The following SPAG16 variants were observed in gnomAD, a reference collection of about 807,000 sequenced individuals.
The protein encoded by SPAG16 is sperm-associated antigen 16 protein.
SPAG16 carries 86 observed loss-of-function variants against 80.4 expected under a neutral mutation model. The observed-to-expected ratio is 1.07, with a 90% CI of 0.90 to 1.28. The LOEUF is 1.28. SPAG16 is among the 50% of genes most tolerant of loss of function. The pLI is 0.00. For synonymous variants in SPAG16, 294 were observed against 265.9 expected, an observed-to-expected ratio of 1.11 and a Z score of -1.03; for missense variants, 870 against 765.3, an observed-to-expected ratio of 1.14 and a Z score of -1.61.
intron 15 of SPAG16, among the ~76,000 whole-genome samples, chr2:214,319,225 A>ACAC (rs1189650614): frequency 5.0e-5 from 1 of 20,140 alleles, no homozygotes; most frequent in East Asian, 2.1e-3. Context: ...CACACACACA[A>ACAC]GAAGTGTAGA....
At chr2:214,386,875 A>AG (rs1458187147) in intron 15 of SPAG16, among the ~76,000 whole-genome samples, 6 of 3,002 alleles carry the variant, frequency 2.0e-3, no homozygotes, top group Non-Finnish European at 4.2e-3. Flanking sequence ...AAAAAAAGAG[A>AG]AAAAAAAAAA....
chr2:213,953,594 A>G (rs757410001), intron 12 of SPAG16, among the ~76,000 whole-genome samples: 1 of 151,886 alleles, frequency 6.6e-6, no homozygotes, highest in East Asian at 1.9e-4. Flanking sequence ...GAAATTGAGA[A>G]ATCAATTTAA....
At chr2:213,793,934 G>T (rs1036784003) in intron 10 of SPAG16, among the ~76,000 whole-genome samples, 1 of 152,094 alleles carries the variant, frequency 6.6e-6, no homozygotes, top group South Asian at 2.1e-4. Flanking sequence ...AGATGTCTTA[G>T]GTTGATTTCC....
intron 14 of SPAG16, among the ~76,000 whole-genome samples, chr2:214,139,493 TATTA>T (rs1017872215): frequency 5.5e-4 from 84 of 152,238 alleles, no homozygotes; most frequent in African/African-American, 1.6e-3. Context: ...ATTCATCATA[TATTA>T]ATTATTTCTA....
At chr2:213,737,488 C>CTTTTCT (rs2067336228) in intron 10 of SPAG16, among the ~76,000 whole-genome samples, 1 of 45,060 alleles carries the variant, frequency 2.2e-5, no homozygotes, top group African/African-American at 4.5e-5. Context: ...TTTTCTTTTT[C>CTTTTCT]TTTTCTTTTT....
At chr2:213,674,257 TACG>T (rs1179154892) in intron 10 of SPAG16, among the ~76,000 whole-genome samples, 24 of 152,306 alleles carry the variant, frequency 1.6e-4, no homozygotes, top group African/African-American at 5.3e-4. Flanking sequence ...TCCAGTTCTC[TACG>T]ACAACATACT....
chr2:214,386,116 T>C (rs574749286), intron 15 of SPAG16, among the ~76,000 whole-genome samples: 1 of 152,320 alleles, frequency 6.6e-6, no homozygotes, highest in South Asian at 2.1e-4. Flanking sequence ...GGCTCATGCC[T>C]GCAATCCTAG....
chr2:213,296,934 A>G (rs1193055860), intron 2 of SPAG16: 1 of 510,550 alleles, frequency 2.0e-6, no homozygotes. Context: ...TGATGGTGGA[A>G]AGCACTTGAG....
chr2:214,331,803 G>A (rs890019051), intron 15 of SPAG16, among the ~76,000 whole-genome samples: 3 of 152,224 alleles, frequency 2.0e-5, no homozygotes, highest in Non-Finnish European at 2.9e-5. Context: ...TATCTTAGGT[G>A]TTATGCTATG....
chr2:213,352,214 C>T (rs1418585217), intron 7 of SPAG16, among the ~76,000 whole-genome samples: 1 of 151,520 alleles, frequency 6.6e-6, no homozygotes, highest in African/African-American at 2.4e-5. Flanking sequence ...ATAAAATACC[C>T]AGTCTCGGGT....
At chr2:214,236,651 CAAA>C (rs796602256) in intron 15 of SPAG16, among the ~76,000 whole-genome samples, 1 of 131,632 alleles carries the variant, frequency 7.6e-6, no homozygotes, top group Non-Finnish European at 1.7e-5. Flanking sequence ...GACTCCGTTT[CAAA>C]AAAAAAAAAA....
chr2:214,130,772 A>G (rs926800977), intron 14 of SPAG16, among the ~76,000 whole-genome samples: 2 of 152,214 alleles, frequency 1.3e-5, no homozygotes, highest in African/African-American at 4.8e-5. Flanking sequence ...CTGAAAATGA[A>G]GTAAACTCAC....
Position 214,375,740 on chromosome 2 carries a change from G to A in SPAG16, c.1721-34400G>A, listed in dbSNP as rs193173035. 2.4e-3 allele frequency among the ~76,000 whole-genome samples: 360 copies of A among 152,216 alleles called. 2 individuals are homozygous for A. The highest frequency in any genetic ancestry group is 0.01 in the Middle Eastern group (3 of 292). Reference sequence around the variant, plus strand: ...ATAGATTTCTAGCCATGGAGAGTTGGGAACTATATGGCATCATACCCACTG... The same window carrying A: ...ATAGATTTCTAGCCATGGAGAGTTGAGAACTATATGGCATCATACCCACTG... On this transcript the variant is annotated intron_variant, in intron 15 of 15. Transcript: ENST00000331683.
chr2:213,849,183 C>T lies in SPAG16; in HGVS notation c.1071-13302C>T, dbSNP rs531709632. ...AGAGCCAGCTTATGCACAGATCACA[C>T]GGCAGGAGATGAAACGAGAAAGAGT... On this transcript the variant is annotated intron_variant, in intron 10 of 15. Transcript: ENST00000331683. Among the ~76,000 whole-genome samples the T allele has an allele frequency of 5.9e-5, 9 of 152,170 alleles. No individual in the cohort carries two copies. The South Asian group carries it at 1.2e-3, about 21-fold the overall frequency.
At position 214,021,210 on chromosome 2, in the gene SPAG16, A is replaced by AT. The variant is rs770747025; in HGVS notation, c.1527+7140dup. ...TTTAAATTTTGTGGGAGTAGAAAAC[A>AT]TTTTTTTGGTCACTCTGACTTTTTA... is the stretch of plus-strand genomic sequence containing the variant. On this transcript the variant is annotated intron_variant, in intron 13 of 15. Coordinates refer to ENST00000331683, the MANE Select transcript of SPAG16 (RefSeq NM_024532.5). 2.0e-5 allele frequency among the ~76,000 whole-genome samples: 3 copies of AT among 152,124 alleles called. No homozygotes were observed. The East Asian group carries it at 5.8e-4, about 29-fold the overall frequency.
At chr2:213,634,357 T>A (rs2062275849) in intron 10 of SPAG16, among the ~76,000 whole-genome samples, 1 of 152,214 alleles carries the variant, frequency 6.6e-6, no homozygotes. Flanking sequence ...TTTCTATTTA[T>A]ATCTTATTGT....
At chr2:213,828,980 C>G (rs1575267611) in intron 10 of SPAG16, among the ~76,000 whole-genome samples, 2 of 152,280 alleles carry the variant, frequency 1.3e-5, no homozygotes, top group Admixed American at 6.5e-5. Context: ...TGGCTTAAAC[C>G]TAAAGCCAGC....
At chr2:213,659,443 T>C (rs2063340139) in intron 10 of SPAG16, among the ~76,000 whole-genome samples, 1 of 152,092 alleles carries the variant, frequency 6.6e-6, no homozygotes, top group Non-Finnish European at 1.5e-5. Context: ...GATTTTGTTT[T>C]AAAAAATTGC....
chr2:213,869,263 A>AAAAAT (rs1559538016), intron 11 of SPAG16, among the ~76,000 whole-genome samples: 1 of 24,380 alleles, frequency 4.1e-5, no homozygotes, highest in East Asian at 1.7e-3. Flanking sequence ...CAAAAAAAAA[A>AAAAAT]AATATATATA....
Sources: allele counts gnomAD v4.1 joint callset (sites outside exome capture counted in the v4.1 genomes callset), GRCh38; gene constraint gnomAD v4.1.1; transcripts MANE v1.5; gene names NCBI Gene and HGNC (gene_info 2026-07-23, HGNC 2026-07-21).